The following CPEB4 variants were observed in gnomAD, a reference collection of about 807,000 sequenced individuals.
CPEB4 encodes the protein cytoplasmic polyadenylation element-binding protein 4.
CPEB4 carries 12 observed loss-of-function variants against 72.5 expected under a neutral mutation model. The observed-to-expected ratio is 0.17, with a 90% CI of 0.11 to 0.27. The LOEUF is 0.27. Ranked by LOEUF, CPEB4 falls within the 10% of genes least tolerant of loss-of-function variation. The probability of loss-of-function intolerance (pLI) is 1.00; values close to 1 mark genes in which losing one functional copy is unlikely to be tolerated. For missense variants in CPEB4, 614 were observed against 908.5 expected, an observed-to-expected ratio of 0.68 and a Z score of 4.17; for synonymous variants, 302 against 326.3, an observed-to-expected ratio of 0.93 and a Z score of 0.80.
At chr5:173,912,707 G>C (rs1299895088) in intron 2 of CPEB4, among the ~76,000 whole-genome samples, 2 of 150,690 alleles carry the variant, frequency 1.3e-5, no homozygotes, top group African/African-American at 4.9e-5. Flanking sequence ...GGCTGAGGTA[G>C]AGGATGGCTG....
intron 5 of CPEB4, among the ~76,000 whole-genome samples, chr5:173,949,041 T>C (rs1251497188): frequency 2.0e-5 from 3 of 152,146 alleles, no homozygotes; most frequent in Admixed American, 6.5e-5. Context: ...CTGTTCCAAG[T>C]TGAAAAAAGA....
intron 2 of CPEB4, among the ~76,000 whole-genome samples, chr5:173,925,561 T>G (rs1757214652): frequency 1.3e-5 from 2 of 152,248 alleles, no homozygotes; most frequent in South Asian, 4.1e-4. Context: ...TTTGTTCATA[T>G]TGCTATGTCT....
intron 1 of CPEB4, among the ~76,000 whole-genome samples, chr5:173,896,887 C>T (rs1371633927): frequency 6.6e-6 from 1 of 152,006 alleles, no homozygotes; most frequent in African/African-American, 2.4e-5. Context: ...ATGGTCAGAC[C>T]CCATCTCTAG....
intron 5 of CPEB4, among the ~76,000 whole-genome samples, chr5:173,946,594 G>C (rs529945526): frequency 1.3e-5 from 2 of 152,258 alleles, no homozygotes; most frequent in East Asian, 3.9e-4. Context: ...AAACTAAACT[G>C]TCAGGAGATA....
chr5:173,949,438 TAAAAG>T (rs1452745160), intron 5 of CPEB4, 65 bp from the exon 6 acceptor site: 47 of 1,171,180 alleles, frequency 4.0e-5, no homozygotes, highest in South Asian at 8.1e-5. Context: ...ATTTGAAACT[TAAAAG>T]AAAAACTTTC....
Position 173,889,481 on chromosome 5 carries a change from C to A in CPEB4, c.-253C>A. On this transcript the variant is annotated 5_prime_UTR_variant, in exon 1 of 10. Transcript: ENST00000265085. ...ATTTTTACCCTCTTCATTTTTATTC[C>A]CTCCTAAAAATAAGCCCAATTGGAT... 2.8e-6 allele frequency: 1 copy of A among 358,534 alleles called. No individual in the cohort carries two copies. The highest frequency in any genetic ancestry group is 7.6e-5 in the South Asian group (1 of 13,134). The allele number at this position is 358,534 out of a possible 1,614,324, so 22.2% of individuals were successfully genotyped here. A position where few individuals can be genotyped will look rare whatever the true frequency, so the allele number is the denominator to read the frequency against.
chr5:173,915,446 G>C (rs914645314), intron 2 of CPEB4, among the ~76,000 whole-genome samples: 3 of 152,130 alleles, frequency 2.0e-5, no homozygotes, highest in Non-Finnish European at 2.9e-5. Flanking sequence ...CAGCTGGCAA[G>C]TCTGGATGTT....
chr5:173,894,120 AG>A (rs1246710473), intron 1 of CPEB4, among the ~76,000 whole-genome samples: 6 of 152,100 alleles, frequency 3.9e-5, no homozygotes, highest in Admixed American at 3.9e-4. Context: ...CAGCTTCCCC[AG>A]TAGCTGGGAC....
In CPEB4 at chr5:173,953,074, G is replaced by C. The variant is rs368286430; in HGVS notation, c.1781-17G>C. ...TTTCCTGATTTTAAATATCCTCCTT[G>C]TTCCTTTCTTAATTAGTGGAGCTTG... On this transcript the variant is annotated splice_polypyrimidine_tract_variant and intron_variant, in intron 8 of 9. Coordinates refer to ENST00000265085, the MANE Select transcript of CPEB4 (RefSeq NM_030627.4). 6.3e-7 allele frequency: 1 copy of C among 1,581,818 alleles called. No individual in the cohort carries two copies. The highest frequency in any genetic ancestry group is 1.8e-5 in the Admixed American group (1 of 55,252).
At chr5:173,907,267 A>AAAC (rs758240830) in intron 1 of CPEB4, among the ~76,000 whole-genome samples, 2,810 of 151,906 alleles carry the variant, frequency 0.018, 33 homozygotes, top group Non-Finnish European at 0.019. Flanking sequence ...CTCCGTCTCA[A>AAAC]AACAACAACA....
chr5:173,951,312 A>C (rs1255525777), intron 7 of CPEB4, among the ~76,000 whole-genome samples: 1 of 140,762 alleles, frequency 7.1e-6, no homozygotes, highest in African/African-American at 2.4e-5. Context: ...AGTATTTGTC[A>C]TAAAAAAAAA....
chr5:173,890,845 T>G lies in CPEB4; in HGVS notation c.1112T>G (p.Ile371Ser). ...MEDSLNRADNIFPFPDRPRTF... is the reference protein window; with the variant it reads ...MEDSLNRADNSFPFPDRPRTF... ...GATAGCTTGAACAGGGCTGACAACA[T>G]TTTTCCTTTTCCGGTAAGATTATGT... The change falls in exon 1 of 10, where the codon ATT (isoleucine) becomes AGT (serine). Residue 371 changes from isoleucine to serine, a missense_variant. By Grantham distance (142) the Ile-to-Ser change is moderately radical (BLOSUM62 -2). Coordinates refer to ENST00000265085, the MANE Select transcript of CPEB4 (RefSeq NM_030627.4). 1 of 1,608,192 alleles carries G rather than the reference T, an allele frequency of 6.2e-7. No homozygotes were observed. The highest frequency in any genetic ancestry group is 8.5e-7 in the Non-Finnish European group (1 of 1,177,054).
intron 1 of CPEB4, among the ~76,000 whole-genome samples, chr5:173,906,339 A>C (rs1272512178): frequency 6.6e-6 from 1 of 152,218 alleles, no homozygotes; most frequent in Admixed American, 6.5e-5. Context: ...TTAGTTGTTA[A>C]AAATGGACAG....
In CPEB4 at chr5:173,956,603, C is replaced by CTTTTTTTTTTTTT. The variant is rs55771761; in HGVS notation, c.*470_*482dup. The CTTTTTTTTTTTTT allele has an allele frequency of 2.3e-5, 3 of 133,066 alleles. No individual in the cohort carries two copies. Among genetic ancestry groups the CTTTTTTTTTTTTT allele is most frequent in the Non-Finnish European group, 1.6e-5 (1 of 62,328 alleles). 8.2% of individuals were successfully genotyped at this position (133,066 alleles called of 1,614,324 possible). A position where few individuals can be genotyped will look rare whatever the true frequency, so the allele number is the denominator to read the frequency against. ...GGGAAGTGCTTTTGCCTTTTCCTTT[C>CTTTTTTTTTTTTT]TTTTTTTTTTTTTTTTCATCTTTTT... is the stretch of plus-strand genomic sequence containing the variant. On this transcript the variant is annotated 3_prime_UTR_variant, in exon 10 of 10. Transcript: ENST00000265085.
Position 173,956,243 on chromosome 5 carries a change from T to G in CPEB4, c.*106T>G, listed in dbSNP as rs1758373495. The G allele has an allele frequency of 6.2e-6, 5 of 803,006 alleles. No homozygotes were observed. The highest frequency in any genetic ancestry group is 1.0e-5 in the Non-Finnish European group (5 of 483,602). 49.7% of individuals were successfully genotyped at this position (803,006 alleles called of 1,614,324 possible). A position where few individuals can be genotyped will look rare whatever the true frequency, so the allele number is the denominator to read the frequency against. ...ACGCTGGCATGTCCTTTTGTAGCAG[T>G]CTGTAACTTAACTATAGTATAATGA... On this transcript the variant is annotated 3_prime_UTR_variant, in exon 10 of 10. Transcript: ENST00000265085.
In CPEB4 at chr5:173,888,388, G is replaced by T; in HGVS notation, c.-1346G>T. ...TGAGGAGAAGGACTCAGCCGCGGCT[G>T]CGGGACCCGGGCACCGGGAGGCGGT... On this transcript the variant is annotated 5_prime_UTR_variant, in exon 1 of 10. Transcript: ENST00000265085. This position sits in a 1 kb window ranked among gnomAD's most constrained non-coding sequence, Gnocchi z 4.3. The T allele has an allele frequency of 2.2e-6, 1 of 451,506 alleles. No individual in the cohort carries two copies. Among genetic ancestry groups the T allele is most frequent in the Non-Finnish European group, 3.8e-6 (1 of 261,674 alleles). The allele number at this position is 451,506 out of a possible 1,614,324, so 28.0% of individuals were successfully genotyped here. A position where few individuals can be genotyped will look rare whatever the true frequency, so the allele number is the denominator to read the frequency against.
chr5:173,942,808 AG>A (rs1265419679), intron 3 of CPEB4, among the ~76,000 whole-genome samples: 1 of 152,226 alleles, frequency 6.6e-6, no homozygotes, highest in Non-Finnish European at 1.5e-5. Flanking sequence ...GATTCAATAA[AG>A]TTTTACAGTG....
chr5:173,947,941 T>G (rs1174470684), intron 5 of CPEB4, among the ~76,000 whole-genome samples: 1 of 152,006 alleles, frequency 6.6e-6, no homozygotes, highest in African/African-American at 2.4e-5. Flanking sequence ...ATGAAAGTGC[T>G]TAAGAATGGA....
chr5:173,932,383 G>A, intron 2 of CPEB4, 67 bp from the exon 3 acceptor site: 1 of 1,245,692 alleles, frequency 8.0e-7, no homozygotes, highest in South Asian at 1.3e-5. Context: ...ATTCAGCTCT[G>A]TTATTGAATA....
Sources: allele counts gnomAD v4.1 joint callset (sites outside exome capture counted in the v4.1 genomes callset), GRCh38; gene constraint gnomAD v4.1.1; non-coding constraint Gnocchi (gnomAD v3.1); transcripts MANE v1.5; gene names NCBI Gene and HGNC (gene_info 2026-07-23, HGNC 2026-07-21).